The following GOLGA3 variants were observed in gnomAD, a reference collection of about 807,000 sequenced individuals.
GOLGA3 encodes golgin subfamily A member 3.
In GOLGA3, 75 loss-of-function variants were observed where a neutral mutation model predicts 169.4. That is an observed-to-expected ratio of 0.44 (90% CI 0.37 to 0.54). The LOEUF is 0.54. Ranked by LOEUF, GOLGA3 falls within the 20% of genes least tolerant of loss-of-function variation. The pLI is 0.00. For missense variants in GOLGA3, 1,899 were observed against 1,930.0 expected, an observed-to-expected ratio of 0.98 and a Z score of 0.30; for synonymous variants, 824 against 822.4, an observed-to-expected ratio of 1.00 and a Z score of -0.03.
chr12:132,796,967 G>C (rs568826703), intron 9 of GOLGA3, among the ~76,000 whole-genome samples: 1 of 152,200 alleles, frequency 6.6e-6, no homozygotes, highest in African/African-American at 2.4e-5. Context: ...CGACTTTCTC[G>C]TGTGGCGACA....
intron 17 of GOLGA3, among the ~76,000 whole-genome samples, chr12:132,781,225 G>A (rs1042618751): frequency 5.8e-4 from 73 of 124,834 alleles, no homozygotes; most frequent in Admixed American, 2.2e-3. Context: ...GCCCTCCACC[G>A]CACTGCCCTC....
At chr12:132,790,114 G>A (rs1593276863) in intron 12 of GOLGA3, among the ~76,000 whole-genome samples, 3 of 152,000 alleles carry the variant, frequency 2.0e-5, no homozygotes, top group Admixed American at 6.6e-5. Flanking sequence ...GGCGGATCAC[G>A]AGGTCAGGAG....
intron 2 of GOLGA3, among the ~76,000 whole-genome samples, chr12:132,820,305 C>T (rs1950155135): frequency 6.6e-6 from 1 of 152,196 alleles, no homozygotes; most frequent in South Asian, 2.1e-4. Flanking sequence ...CACCACTGCA[C>T]TTCAGCCTGC....
At position 132,781,045 on chromosome 12, in the gene GOLGA3, T is replaced by C. The variant is rs1008392803; in HGVS notation, c.3466-131A>G. On this transcript the variant is annotated intron_variant, in intron 17 of 23. Coordinates refer to ENST00000450791, the MANE Select transcript of GOLGA3 (RefSeq NM_001389683.1). ...AGGGAGGTAGAGGGAACTTCACTGC[T>C]GAAGAATCTGTGACAAAAACAGAAT... 11 of 676,198 alleles carry C rather than the reference T, an allele frequency of 1.6e-5. No homozygotes were observed. The Admixed American group carries it at 2.6e-4, about 16-fold the overall frequency. 41.9% of individuals were successfully genotyped at this position (676,198 alleles called of 1,614,324 possible). A position where few individuals can be genotyped will look rare whatever the true frequency, so the allele number is the denominator to read the frequency against.
At position 132,804,230 on chromosome 12, in the gene GOLGA3, G is replaced by A. The variant is rs1249470674; in HGVS notation, c.1597+486C>T. Among the ~76,000 whole-genome samples, 1 of 152,152 alleles carries A rather than the reference G, an allele frequency of 6.6e-6. No individual in the cohort carries two copies. The highest frequency in any genetic ancestry group is 1.9e-4 in the East Asian group (1 of 5,196). On this transcript the variant is annotated intron_variant, in intron 7 of 23. Transcript: ENST00000450791. This position sits in a 1 kb window ranked among gnomAD's most constrained non-coding sequence, Gnocchi z 4.1. Reference sequence around the variant, plus strand: ...GAGCTGTTCTTGAATATTTTAAATGGAATCTGCAATTCTGTGGAATAAGTG... The same window carrying A: ...GAGCTGTTCTTGAATATTTTAAATGAAATCTGCAATTCTGTGGAATAAGTG...
At position 132,786,564 on chromosome 12, in the gene GOLGA3, T is replaced by C. The variant is rs989548268; in HGVS notation, c.2907-9A>G. On this transcript the variant is annotated splice_polypyrimidine_tract_variant and intron_variant, in intron 14 of 23. Transcript: ENST00000450791. Reference sequence around the variant, plus strand: ...TCTGTTCCGTGATGGCCCTGGGGTGTCATGAGGGAGACACAGGAGGAAGCT... The same window carrying C: ...TCTGTTCCGTGATGGCCCTGGGGTGCCATGAGGGAGACACAGGAGGAAGCT... 84 of 1,612,484 alleles carry C rather than the reference T, an allele frequency of 5.2e-5. No homozygotes were observed. The highest frequency in any genetic ancestry group is 6.9e-5 in the Non-Finnish European group (81 of 1,179,096).
intron 3 of GOLGA3, among the ~76,000 whole-genome samples, chr12:132,814,314 G>A (rs565048481): frequency 7.1e-4 from 108 of 152,260 alleles, no homozygotes; most frequent in Admixed American, 2.1e-3. Context: ...CTGAGCCACC[G>A]TGCCCGGCAG....
At chr12:132,810,546 A>G (rs186338602) in intron 4 of GOLGA3, among the ~76,000 whole-genome samples, 19 of 152,274 alleles carry the variant, frequency 1.2e-4, no homozygotes, top group Admixed American at 1.2e-3. Context: ...TACAATCATA[A>G]CCTAGGAAAA....
At chr12:132,813,503 CTTAA>C (rs1397248191) in intron 3 of GOLGA3, 84 bp from the exon 4 acceptor site, 2 of 701,604 alleles carry the variant, frequency 2.9e-6, no homozygotes, top group East Asian at 5.2e-5. Flanking sequence ...TCATTTTGTA[CTTAA>C]TTACCCATAT....
At position 132,789,050 on chromosome 12, in the gene GOLGA3, C is replaced by T. The variant is rs2046081516; in HGVS notation, c.2788G>A (p.Asp930Asn). Residue 930 changes from aspartate to asparagine, a missense_variant, in exon 13 of 24, where the codon GAC becomes AAC. Coordinates refer to ENST00000450791, the MANE Select transcript of GOLGA3 (RefSeq NM_001389683.1). ...GHLQSAQKER[D>N]EMETHLQSLQ... ...ACCTGCAAGTGTGTTTCCATCTCGTCTCGCTCCTTCTGCGCCGACTGGAGA... is the reference window on the plus strand; with the variant it reads ...ACCTGCAAGTGTGTTTCCATCTCGTTTCGCTCCTTCTGCGCCGACTGGAGA... 6.3e-7 allele frequency: 1 copy of T among 1,577,988 alleles called. No homozygotes were observed. The highest frequency in any genetic ancestry group is 8.6e-7 in the Non-Finnish European group (1 of 1,158,628).
At position 132,773,100 on chromosome 12, in the gene GOLGA3, A is replaced by C; in HGVS notation, c.*5T>G. On this transcript the variant is annotated 3_prime_UTR_variant, in exon 24 of 24. Coordinates refer to ENST00000450791, the MANE Select transcript of GOLGA3 (RefSeq NM_001389683.1). Reference sequence around the variant, plus strand: ...CAGCGGCGCACGGAGGCGAGTCCACAGCAGTCACTCTCCCGGCCCTTCTTT... The same window carrying C: ...CAGCGGCGCACGGAGGCGAGTCCACCGCAGTCACTCTCCCGGCCCTTCTTT... The C allele has an allele frequency of 1.3e-6, 2 of 1,565,276 alleles. No individual in the cohort carries two copies. Among genetic ancestry groups the C allele is most frequent in the Non-Finnish European group, 1.7e-6 (2 of 1,152,870 alleles).
intron 11 of GOLGA3, among the ~76,000 whole-genome samples, chr12:132,795,066 A>T (rs1031228404): frequency 1.3e-5 from 2 of 151,910 alleles, no homozygotes; most frequent in Non-Finnish European, 2.9e-5. Flanking sequence ...ATGCACCTGT[A>T]GTCCTAGCTA....
At chr12:132,826,804 G>A (rs938389455) in intron 1 of GOLGA3, among the ~76,000 whole-genome samples, 4 of 152,144 alleles carry the variant, frequency 2.6e-5, no homozygotes, top group African/African-American at 9.7e-5. Flanking sequence ...AGTCGTCAGG[G>A]CCTCATTACC....
chr12:132,793,725 C>T (rs1240222578), intron 11 of GOLGA3, among the ~76,000 whole-genome samples: 2 of 150,172 alleles, frequency 1.3e-5, no homozygotes, highest in African/African-American at 4.9e-5. Context: ...CACAGACCCA[C>T]CACACGGGAT....
chr12:132,825,578 C>T, intron 1 of GOLGA3: 2 of 621,178 alleles, frequency 3.2e-6, no homozygotes, highest in Admixed American at 2.9e-5. Context: ...AGCATCAACA[C>T]TGCCTTTTAA....
At chr12:132,815,010 C>G (rs185096340) in intron 3 of GOLGA3, among the ~76,000 whole-genome samples, 2 of 152,198 alleles carry the variant, frequency 1.3e-5, no homozygotes, top group Non-Finnish European at 2.9e-5. Flanking sequence ...CACACAGCAA[C>G]GCTTTACACA....
At position 132,804,886 on chromosome 12, in the gene GOLGA3, G is replaced by C. The variant is rs749078452; in HGVS notation, c.1427C>G (p.Ser476Trp). Reference sequence around the variant, plus strand: ...CATGGCTCGCTCCAGGTCCCAGCACGACTGCTTCAGGGTGTCCACCTCCGA... The same window carrying C: ...CATGGCTCGCTCCAGGTCCCAGCACCACTGCTTCAGGGTGTCCACCTCCGA... Reference protein sequence around the residue: ...LSSEVDTLKQSCWDLERAMTD... With the variant: ...LSSEVDTLKQWCWDLERAMTD... The change falls in exon 7 of 24, where the codon TCG (serine) becomes TGG (tryptophan). Residue 476 changes from serine to tryptophan, a missense_variant. Ser to Trp is a radical substitution (Grantham distance 177). Coordinates refer to ENST00000450791, the MANE Select transcript of GOLGA3 (RefSeq NM_001389683.1). The surrounding 1 kb of genome is among the most constrained non-coding windows in gnomAD (Gnocchi z 4.1). 1 of 1,614,062 alleles carries C rather than the reference G, an allele frequency of 6.2e-7. No individual in the cohort carries two copies. Among genetic ancestry groups the C allele is most frequent in the Admixed American group, 1.7e-5 (1 of 60,032 alleles).
chr12:132,782,534 T>A (rs780914044), intron 16 of GOLGA3, 41 bp from the exon 17 acceptor site: 2 of 1,474,114 alleles, frequency 1.4e-6, no homozygotes, highest in African/African-American at 2.8e-5. Context: ...CCTGCACTGG[T>A]GAGTGGAGTT....
At position 132,777,863 on chromosome 12, in the gene GOLGA3, G is replaced by A. The variant is rs903337026; in HGVS notation, c.3583-58C>T. On this transcript the variant is annotated intron_variant, in intron 18 of 23. Coordinates refer to ENST00000450791, the MANE Select transcript of GOLGA3 (RefSeq NM_001389683.1). The surrounding 1 kb of genome is among the most constrained non-coding windows in gnomAD (Gnocchi z 4.7). ...TGCGTGACACCCACAGCTTTATGAC[G>A]TGCCGGGCGCAGGGGGTGAATGCAC... 5.2e-5 allele frequency: 82 copies of A among 1,587,306 alleles called. No homozygotes were observed. Among genetic ancestry groups the A allele is most frequent in the African/African-American group, 8.1e-5 (6 of 74,378 alleles).
Sources: allele counts gnomAD v4.1 joint callset (sites outside exome capture counted in the v4.1 genomes callset), GRCh38; gene constraint gnomAD v4.1.1; non-coding constraint Gnocchi (gnomAD v3.1); transcripts MANE v1.5; gene names NCBI Gene and HGNC (gene_info 2026-07-23, HGNC 2026-07-21).